NAA35: variants seen among roughly 807,000 people sequenced by gnomAD.
NAA35 encodes MAK10 homolog, amino-acid N-acetyltransferase subunit.
A neutral mutation model predicts 101.7 loss-of-function variants in NAA35; 18 were observed. That is an observed-to-expected ratio of 0.18 (90% CI 0.12 to 0.26). The LOEUF (loss-of-function observed/expected upper bound fraction) is 0.26, where lower values mean the gene tolerates loss of function less well. NAA35 is among the 10% of genes least tolerant of loss of function. NAA35 has a pLI of 1.00. For missense variants in NAA35, 601 were observed against 886.8 expected, an observed-to-expected ratio of 0.68 and a Z score of 4.09; for synonymous variants, 267 against 273.1, an observed-to-expected ratio of 0.98 and a Z score of 0.22.
chr9:85,955,719 A>G (rs929210459), intron 2 of NAA35, among the ~76,000 whole-genome samples: 4 of 152,208 alleles, frequency 2.6e-5, no homozygotes, highest in African/African-American at 2.4e-5. Flanking sequence ...ACTTACCTGC[A>G]TATTAAAATC....
chr9:85,953,184 G>C (rs980869438), intron 2 of NAA35, among the ~76,000 whole-genome samples: 6 of 151,500 alleles, frequency 4.0e-5, no homozygotes, highest in African/African-American at 1.5e-4. Flanking sequence ...CTGCTCTCCA[G>C]CCTGGGCAAC....
rs1832630286 is a variant in NAA35, at chr9:86,022,904, A to G, written c.*944A>G. Among the ~76,000 whole-genome samples, 1 of 152,094 alleles carries G rather than the reference A, an allele frequency of 6.6e-6. No individual in the cohort carries two copies. The highest frequency in any genetic ancestry group is 2.4e-5 in the African/African-American group (1 of 41,394). ...TCCTTTTTGTCCTCTGTAGCAGGCA[A>G]TACTCTTAGCAAAATGAGTTACTCT... On this transcript the variant is annotated 3_prime_UTR_variant, in exon 23 of 23. Coordinates refer to ENST00000361671, the MANE Select transcript of NAA35 (RefSeq NM_024635.4).
intron 5 of NAA35, among the ~76,000 whole-genome samples, chr9:85,961,285 A>G (rs1409499801): frequency 1.3e-5 from 2 of 152,200 alleles, no homozygotes; most frequent in Non-Finnish European, 2.9e-5. Flanking sequence ...TAAGGTAAAA[A>G]TAACTATAAA....
At chr9:85,972,509 C>CA (rs34535924) in intron 6 of NAA35, among the ~76,000 whole-genome samples, 3,565 of 52,098 alleles carry the variant, frequency 0.068, 225 homozygotes, top group East Asian at 0.37. Flanking sequence ...GACCCTGTCT[C>CA]AAAAAAAAAA....
chr9:86,003,670 CTTAT>C (rs1454390273), intron 13 of NAA35, 26 bp downstream of exon 13: 28 of 1,375,294 alleles, frequency 2.0e-5, no homozygotes, highest in Non-Finnish European at 2.8e-5. Context: ...TATCAAAATA[CTTAT>C]TTAAACATTA....
rs369617303 is a variant in NAA35 at position 85,959,808 on chromosome 9, A to C, written c.289A>C (p.Ile97Leu). ...TCCTTTTTAGGATGGCACTATTAAAATTAAAGATCTCACCTTGCCTGAACT... is the reference window on the plus strand; with the variant it reads ...TCCTTTTTAGGATGGCACTATTAAACTTAAAGATCTCACCTTGCCTGAACT... ...EQAIKDGTIK[I>L]KDLTLPELIG... The change falls in exon 5 of 23, where the codon ATT becomes CTT. Residue 97 changes from isoleucine (I) to leucine (L), a missense_variant. By Grantham distance (5) the Ile-to-Leu change is conservative. Transcript: ENST00000361671. 14 of 1,609,012 alleles carry C rather than the reference A, an allele frequency of 8.7e-6. No individual in the cohort carries two copies. The highest frequency in any genetic ancestry group is 8.5e-6 in the Non-Finnish European group (10 of 1,178,432).
In NAA35 at chr9:85,956,345, T is replaced by TA; in HGVS notation, c.125-15_125-14insA. ...TATAAATATGTTCAAAGGGTTTTTC[T>TA]CTTTTTTTTTTTAGAATTAAAGTTG... On this transcript the variant is annotated splice_polypyrimidine_tract_variant and intron_variant, in intron 2 of 22. Coordinates refer to ENST00000361671, the MANE Select transcript of NAA35 (RefSeq NM_024635.4). 7.4e-7 allele frequency: 1 copy of TA among 1,354,238 alleles called. No individual in the cohort carries two copies. The highest frequency in any genetic ancestry group is 1.0e-6 in the Non-Finnish European group (1 of 988,854). The allele number at this position is 1,354,238 out of a possible 1,614,324, so 83.9% of individuals were successfully genotyped here. A position where few individuals can be genotyped will look rare whatever the true frequency, so the allele number is the denominator to read the frequency against.
chr9:85,969,742 G>A (rs576841763), intron 6 of NAA35, among the ~76,000 whole-genome samples: 13 of 151,924 alleles, frequency 8.6e-5, no homozygotes, highest in African/African-American at 2.7e-4. Flanking sequence ...GTACACCTCT[G>A]TAGTCCCAGC....
At position 85,954,958 on chromosome 9, in the gene NAA35, C is replaced by T. The variant is rs1039992305; in HGVS notation, c.125-1402C>T. The stretch of plus-strand genomic sequence containing the variant: ...TTTGAGAGGGAGTCTCCTTCTGTCA[C>T]CCAGGTTGGAGTGCAGTGGCACAAT... On this transcript the variant is annotated intron_variant, in intron 2 of 22. Transcript: ENST00000361671. 3.9e-5 allele frequency among the ~76,000 whole-genome samples: 6 copies of T among 152,206 alleles called. No individual in the cohort carries two copies. In the South Asian group the frequency reaches 8.3e-4, roughly 21 times the overall value.
chr9:85,953,275 G>A (rs1829100909), intron 2 of NAA35, among the ~76,000 whole-genome samples: 1 of 149,300 alleles, frequency 6.7e-6, no homozygotes, highest in Admixed American at 6.7e-5. Flanking sequence ...CACTTCAGTG[G>A]TATTTAATAC....
chr9:86,009,202 T>A (rs1831788742), intron 14 of NAA35, among the ~76,000 whole-genome samples: 1 of 152,196 alleles, frequency 6.6e-6, no homozygotes, highest in South Asian at 2.1e-4. Context: ...AAAAGCTTTA[T>A]TTTAATCTCA....
chr9:85,943,641 GAGAA>G (rs1325448192), intron 2 of NAA35, among the ~76,000 whole-genome samples: 1 of 152,340 alleles, frequency 6.6e-6, no homozygotes, highest in East Asian at 1.9e-4. Context: ...CTAAGGAAGA[GAGAA>G]AGAAATGTCA....
chr9:85,992,545 G>A (rs1830963789), intron 11 of NAA35, among the ~76,000 whole-genome samples: 1 of 152,186 alleles, frequency 6.6e-6, no homozygotes, highest in South Asian at 2.1e-4. Flanking sequence ...AGTGTGCAAT[G>A]AGAATATAAC....
intron 1 of NAA35, chr9:85,941,643 C>T (rs568795331): frequency 3.0e-6 from 3 of 986,318 alleles, no homozygotes; most frequent in South Asian, 9.3e-5. Context: ...CGGGACCCTG[C>T]GGTGCCTGCC....
Position 86,024,009 on chromosome 9 carries a change from A to G in NAA35, c.*2049A>G, listed in dbSNP as rs1007938444. ...TTTGTTTTTAAACAGCAGGTTTCTA[A>G]TTATAAAAACAAATTTGCCATTTTA... On this transcript the variant is annotated 3_prime_UTR_variant, in exon 23 of 23. Transcript: ENST00000361671. Among the ~76,000 whole-genome samples the G allele has an allele frequency of 1.3e-5, 2 of 152,258 alleles. No individual in the cohort carries two copies. Among genetic ancestry groups the G allele is most frequent in the African/African-American group, 2.4e-5 (1 of 41,472 alleles).
At chr9:86,017,409 G>C in intron 18 of NAA35, 89 bp from the exon 19 acceptor site, 1 of 1,225,790 alleles carries the variant, frequency 8.2e-7, no homozygotes, top group Non-Finnish European at 1.2e-6. Flanking sequence ...CAAGCTGAAA[G>C]ATTTTTTAAA....
chr9:86,008,672 A>C (rs1831756618), intron 14 of NAA35, among the ~76,000 whole-genome samples: 1 of 152,216 alleles, frequency 6.6e-6, no homozygotes, highest in South Asian at 2.1e-4. Flanking sequence ...AAATACCACA[A>C]ATAATGATAA....
intron 21 of NAA35, among the ~76,000 whole-genome samples, chr9:86,020,418 G>A (rs1329739456): frequency 6.6e-6 from 1 of 152,056 alleles, no homozygotes; most frequent in African/African-American, 2.4e-5. Context: ...AGATAAGGTA[G>A]CCATTTCAAT....
At chr9:85,969,403 T>A (rs1338804919) in intron 6 of NAA35, among the ~76,000 whole-genome samples, 1 of 152,154 alleles carries the variant, frequency 6.6e-6, no homozygotes, top group African/African-American at 2.4e-5. Context: ...GTTATATAGA[T>A]GGACCTTCTG....
Sources: gnomAD v4.1 joint callset for allele counts (sites outside exome capture counted in the v4.1 genomes callset) on GRCh38, gnomAD v4.1.1 for gene constraint, MANE v1.5 for transcripts, NCBI Gene and HGNC (gene_info 2026-07-23, HGNC 2026-07-21) for gene names.